The following MYO5A variants were observed in gnomAD, a reference collection of about 807,000 sequenced individuals.
The protein encoded by MYO5A is unconventional myosin-Va.
MYO5A carries 98 observed loss-of-function variants against 249.7 expected under a neutral mutation model. The ratio of observed to expected loss-of-function variants is 0.39; its 90% CI spans 0.33 to 0.46. The LOEUF (loss-of-function observed/expected upper bound fraction) is 0.46, where lower values mean the gene tolerates loss of function less well. Ranked by LOEUF, MYO5A falls within the 20% of genes least tolerant of loss-of-function variation. The probability of loss-of-function intolerance (pLI) is 0.98; values close to 1 mark genes in which losing one functional copy is unlikely to be tolerated. For synonymous variants in MYO5A, 778 were observed against 810.6 expected (o/e 0.96, Z 0.68); for missense variants, 1,696 against 2,308.8 (o/e 0.73, Z 5.44).
At chr15:52,435,706 G>C (rs1244766067) in intron 1 of MYO5A, 2 of 448,664 alleles carry the variant, frequency 4.5e-6, no homozygotes, top group Non-Finnish European at 8.9e-6. Flanking sequence ...TTTGGGGACT[G>C]ATATAAGGTT....
chr15:52,414,743 CTGT>C (rs975504621), intron 5 of MYO5A, among the ~76,000 whole-genome samples: 1 of 152,186 alleles, frequency 6.6e-6, no homozygotes, highest in African/African-American at 2.4e-5. Flanking sequence ...AAAAGAAGCC[CTGT>C]TGTTTTCTGA....
chr15:52,458,627 AG>A (rs2076168491), intron 1 of MYO5A, among the ~76,000 whole-genome samples: 1 of 152,012 alleles, frequency 6.6e-6, no homozygotes, highest in South Asian at 2.1e-4. Context: ...CAAAAAAAAA[AG>A]AAAAATAATA....
chr15:52,410,271 C>G (rs2043191711), intron 6 of MYO5A, 62 bp downstream of exon 6: 2 of 1,527,416 alleles, frequency 1.3e-6, no homozygotes, highest in Non-Finnish European at 9.1e-7. Context: ...TACCAGCAAG[C>G]ATGGACTCAA....
intron 27 of MYO5A, 50 bp from the exon 28 acceptor site, chr15:52,351,531 G>A (rs765939262): frequency 9.2e-5 from 141 of 1,535,666 alleles, no homozygotes; most frequent in Non-Finnish European, 1.1e-4. Context: ...TCAACTTTAC[G>A]TTGGATGCTC....
intron 1 of MYO5A, among the ~76,000 whole-genome samples, chr15:52,486,277 C>T (rs2076818807): frequency 6.6e-6 from 1 of 152,164 alleles, no homozygotes; most frequent in South Asian, 2.1e-4. Flanking sequence ...CATTTTAATC[C>T]TAATAGCCCT....
chr15:52,423,079 A>G (rs1354534644), intron 4 of MYO5A, among the ~76,000 whole-genome samples: 1 of 152,044 alleles, frequency 6.6e-6, no homozygotes, highest in Admixed American at 6.6e-5. Flanking sequence ...CTGTCTATTT[A>G]ATTTGTATCC....
chr15:52,474,922 C>A (rs941397274), intron 1 of MYO5A, among the ~76,000 whole-genome samples: 4 of 152,116 alleles, frequency 2.6e-5, no homozygotes, highest in African/African-American at 4.8e-5. Flanking sequence ...AGGGAGGATT[C>A]CCTCTTTTTC....
chr15:52,332,618 G>C (rs1170079158), intron 34 of MYO5A, among the ~76,000 whole-genome samples: 1 of 152,128 alleles, frequency 6.6e-6, no homozygotes, highest in African/African-American at 2.4e-5. Flanking sequence ...ATGAAATTTA[G>C]ATGTCAGTTC....
At chr15:52,522,841 TAA>T (rs11367026) in intron 1 of MYO5A, among the ~76,000 whole-genome samples, 757 of 136,078 alleles carry the variant, frequency 5.6e-3, no homozygotes, top group Middle Eastern at 7.6e-3. Context: ...TTTCATTATT[TAA>T]AAAAAAAAAA....
intron 1 of MYO5A, among the ~76,000 whole-genome samples, chr15:52,440,498 C>T (rs2075764360): frequency 6.6e-6 from 1 of 152,204 alleles, no homozygotes; most frequent in Non-Finnish European, 1.5e-5. Context: ...GAACCCCTGA[C>T]CTCAGGTGAT....
At chr15:52,406,914 G>A (rs550019765) in intron 8 of MYO5A, among the ~76,000 whole-genome samples, 9 of 152,214 alleles carry the variant, frequency 5.9e-5, no homozygotes, top group African/African-American at 1.9e-4. Context: ...AGAGGAGCCC[G>A]TTTCACTTAG....
In MYO5A at chr15:52,346,670, A is replaced by C. The variant is rs1461126302; in HGVS notation, c.3859-209T>G. 6 of 649,724 alleles carry C rather than the reference A, an allele frequency of 9.2e-6. No individual in the cohort carries two copies. The East Asian group carries it at 1.8e-4, about 20-fold the overall frequency. The allele number at this position is 649,724 out of a possible 1,614,324, so 40.2% of individuals were successfully genotyped here. On this transcript the variant is annotated intron_variant, in intron 29 of 41. Coordinates refer to ENST00000399233, the MANE Select transcript of MYO5A (RefSeq NM_001382347.1). The stretch of plus-strand genomic sequence containing the variant: ...AGGTACCTTCAGTTTTTCTCCTGAG[A>C]AACACTAGCACTCTGCTACAAAGGT...
chr15:52,529,009 G>T, upstream of MYO5A: 1 of 279,658 alleles, frequency 3.6e-6, no homozygotes. Flanking sequence ...ATCACTCCCG[G>T]GCTCGCCGCG....
At position 52,473,422 on chromosome 15, in the gene MYO5A, G is replaced by T. The variant is rs374176613; in HGVS notation, c.28-40137C>A. Among the ~76,000 whole-genome samples the T allele has an allele frequency of 1.1e-3, 170 of 152,220 alleles. 4 individuals carry two copies. In the East Asian group the frequency reaches 0.026, roughly 23 times the overall value. ...AATTAGATCCCATTTGTCAATTTTG[G>T]CTTTTGTTGCCATTGCTTTTGGTGT... On this transcript the variant is annotated intron_variant, in intron 1 of 41. Transcript: ENST00000399233.
intron 21 of MYO5A, among the ~76,000 whole-genome samples, chr15:52,371,871 A>G (rs2041135418): frequency 9.5e-6 from 1 of 104,840 alleles, no homozygotes; most frequent in Admixed American, 1.1e-4. Flanking sequence ...CCCTGTCTCA[A>G]ATAATAGTAA....
chr15:52,492,960 C>T (rs1012397555), intron 1 of MYO5A, among the ~76,000 whole-genome samples: 6 of 152,106 alleles, frequency 3.9e-5, no homozygotes, highest in African/African-American at 1.4e-4. Context: ...AGTGCTTAGG[C>T]TATGAGTCAA....
At chr15:52,502,927 GA>G (rs2077187571) in intron 1 of MYO5A, among the ~76,000 whole-genome samples, 1 of 152,154 alleles carries the variant, frequency 6.6e-6, no homozygotes, top group African/African-American at 2.4e-5. Flanking sequence ...GCCAGGCACA[GA>G]AAGACAAATA....
intron 1 of MYO5A, among the ~76,000 whole-genome samples, chr15:52,474,297 A>G (rs575064800): frequency 6.6e-6 from 1 of 152,316 alleles, no homozygotes; most frequent in Admixed American, 6.5e-5. Flanking sequence ...GGCTGAGACA[A>G]TGGGGTTTTC....
chr15:52,520,480 A>G (rs2077595074), intron 1 of MYO5A, among the ~76,000 whole-genome samples: 1 of 152,166 alleles, frequency 6.6e-6, no homozygotes, highest in Non-Finnish European at 1.5e-5. Flanking sequence ...TTTCACCCCT[A>G]AAAAAAGCTG....
Sources: gnomAD v4.1 joint callset for allele counts (sites outside exome capture counted in the v4.1 genomes callset) on GRCh38, gnomAD v4.1.1 for gene constraint, MANE v1.5 for transcripts, NCBI Gene and HGNC (gene_info 2026-07-23, HGNC 2026-07-21) for gene names.